Variants in LIPC observed in about 807,000 individuals in gnomAD.
The protein encoded by LIPC is lipase C, hepatic type.
A neutral mutation model predicts 50.7 loss-of-function variants in LIPC; 44 were observed. The ratio of observed to expected loss-of-function variants is 0.87; its 90% CI spans 0.68 to 1.11. The LOEUF is 1.11. Ranked by LOEUF, LIPC falls within the 50% of genes most tolerant of loss-of-function variation. The probability of loss-of-function intolerance (pLI) is 0.00; values close to 1 mark genes in which losing one functional copy is unlikely to be tolerated. For missense variants in LIPC, 697 were observed against 648.2 expected, an observed-to-expected ratio of 1.08 and a Z score of -0.82; for synonymous variants, 271 against 256.4, an observed-to-expected ratio of 1.06 and a Z score of -0.54.
intron 1 of LIPC, among the ~76,000 whole-genome samples, chr15:58,516,100 G>GGATTTTCTGCGCATCT (rs1214472773): frequency 6.6e-6 from 1 of 152,092 alleles, no homozygotes; most frequent in African/African-American, 2.4e-5. Context: ...CAAGGCAATG[G>GGATTTTCTGCGCATCT]GATTTTCTGC....
intron 6 of LIPC, among the ~76,000 whole-genome samples, chr15:58,556,524 T>C (rs578070425): frequency 3.3e-5 from 5 of 152,360 alleles, no homozygotes; most frequent in Admixed American, 3.3e-4. Flanking sequence ...AAATGACCAC[T>C]CTGCCCTCTC....
intron 1 of LIPC, among the ~76,000 whole-genome samples, chr15:58,443,855 G>T (rs535968724): frequency 1.3e-5 from 2 of 148,914 alleles, no homozygotes; most frequent in Non-Finnish European, 3.0e-5. Flanking sequence ...TTGCGGGCAG[G>T]GGGTGGATCT....
rs533972568 is a variant in LIPC at position 58,561,097 on chromosome 15, C to T, written c.1169+116C>T. On this transcript the variant is annotated intron_variant, in intron 7 of 8. Coordinates refer to ENST00000299022, the MANE Select transcript of LIPC (RefSeq NM_000236.3). ...AGCTACAACTACTTTATTCCAGACG[C>T]AAACCAAAAACTATCTGAGACACAT... 34 of 749,066 alleles carry T rather than the reference C, an allele frequency of 4.5e-5. No individual in the cohort carries two copies. In the African/African-American group the frequency reaches 4.9e-4, roughly 11 times the overall value. 46.4% of individuals were successfully genotyped at this position (749,066 alleles called of 1,614,324 possible).
At chr15:58,451,070 C>A (rs1258387481) in intron 1 of LIPC, among the ~76,000 whole-genome samples, 1 of 152,088 alleles carries the variant, frequency 6.6e-6, no homozygotes, top group Non-Finnish European at 1.5e-5. Context: ...GGCAGGCTAC[C>A]CTCCCCATCA....
chr15:58,519,854 G>A (rs1270801283), intron 1 of LIPC, among the ~76,000 whole-genome samples: 1 of 152,072 alleles, frequency 6.6e-6, no homozygotes, highest in Non-Finnish European at 1.5e-5. Flanking sequence ...TCAGATGGGG[G>A]GCAGGTGGGA....
At chr15:58,490,529 C>T (rs1342198862) in intron 1 of LIPC, among the ~76,000 whole-genome samples, 1 of 152,108 alleles carries the variant, frequency 6.6e-6, no homozygotes, top group Non-Finnish European at 1.5e-5. Flanking sequence ...TTCTCACCTC[C>T]GGAGAGAATG....
intron 1 of LIPC, among the ~76,000 whole-genome samples, chr15:58,508,851 CTT>C (rs61059869): frequency 6.8e-6 from 1 of 147,972 alleles, no homozygotes; most frequent in African/African-American, 2.5e-5. Flanking sequence ...ATTCCTGCTA[CTT>C]TTTTTTTTTA....
chr15:58,457,715 G>GGAAA (rs1432510527), intron 1 of LIPC, among the ~76,000 whole-genome samples: 1 of 152,188 alleles, frequency 6.6e-6, no homozygotes, highest in Non-Finnish European at 1.5e-5. Flanking sequence ...AATCCCATTT[G>GGAAA]GTAATCGAAA....
chr15:58,543,363 G>T (rs1893404837), intron 4 of LIPC, among the ~76,000 whole-genome samples: 1 of 151,458 alleles, frequency 6.6e-6, no homozygotes, highest in Non-Finnish European at 1.5e-5. Flanking sequence ...CGGTGTGGAA[G>T]CCCCAGAGTG....
At chr15:58,432,244 C>CTA in intron 1 of LIPC, 124 bp downstream of exon 1, 1 of 760,972 alleles carries the variant, frequency 1.3e-6, no homozygotes, top group Admixed American at 1.9e-5. Context: ...CCAGGTGGTT[C>CTA]TATACACGAC....
In LIPC at chr15:58,442,655, T is replaced by C. The variant is rs189512198; in HGVS notation, c.88+10535T>C. ...TGTCAATGAATCCAGAAAAACACCC[T>C]GTGAGATAGGTATTATCCCCACTTC... On this transcript the variant is annotated intron_variant, in intron 1 of 8. Transcript: ENST00000299022. Among the ~76,000 whole-genome samples the C allele has an allele frequency of 4.6e-3, 698 of 152,368 alleles. 3 individuals are homozygous for C. The highest frequency in any genetic ancestry group is 0.016 in the African/African-American group (676 of 41,584).
intron 4 of LIPC, 53 bp downstream of exon 4, chr15:58,542,704 A>G: frequency 8.4e-7 from 1 of 1,191,088 alleles, no homozygotes; most frequent in Non-Finnish European, 1.3e-6. Context: ...GGGGCATCCA[A>G]CAAGGACCTG....
chr15:58,465,349 C>T (rs952470455), intron 1 of LIPC, among the ~76,000 whole-genome samples: 5 of 152,182 alleles, frequency 3.3e-5, no homozygotes, highest in Admixed American at 1.3e-4. Flanking sequence ...TTACATCTGG[C>T]TTTTAACACA....
Position 58,479,964 on chromosome 15 carries a change from C to T in LIPC, c.88+47844C>T, listed in dbSNP as rs542395218. Among the ~76,000 whole-genome samples the T allele has an allele frequency of 5.3e-5, 8 of 152,322 alleles. No homozygotes were observed. In the East Asian group the frequency reaches 1.5e-3, roughly 29 times the overall value. ...AGAAAACTATGAAAGTGCCTCCAAT[C>T]TAAGTTCCCCAGGCTCCTAAGACAA... On this transcript the variant is annotated intron_variant, in intron 1 of 8. Transcript: ENST00000299022.
intron 6 of LIPC, among the ~76,000 whole-genome samples, chr15:58,556,440 A>G (rs1370799697): frequency 6.6e-6 from 1 of 152,170 alleles, no homozygotes; most frequent in Admixed American, 6.5e-5. Flanking sequence ...TCTTTTTCCA[A>G]TAGGATTCCA....
At chr15:58,449,061 AG>A (rs35478240) in intron 1 of LIPC, among the ~76,000 whole-genome samples, 5,844 of 152,208 alleles carry the variant, frequency 0.038, 166 homozygotes, top group South Asian at 0.13. Flanking sequence ...CACGACGGGC[AG>A]TGGGGGCTCA....
At chr15:58,565,143 C>T (rs183338266) in intron 8 of LIPC, 214 of 1,499,826 alleles carry the variant, frequency 1.4e-4, no homozygotes, top group Admixed American at 2.6e-4. Flanking sequence ...AAAATCCTGG[C>T]AATTACTGAG....
At position 58,566,228 on chromosome 15, in the gene LIPC, C is replaced by G. The variant is rs562480140; in HGVS notation, c.1389-2488C>G. The G allele has an allele frequency of 4.6e-5, 45 of 985,434 alleles. No homozygotes were observed. The East Asian group carries it at 3.3e-3, about 72-fold the overall frequency. 61.0% of individuals were successfully genotyped at this position (985,434 alleles called of 1,614,324 possible). On this transcript the variant is annotated intron_variant, in intron 8 of 8. Transcript: ENST00000299022. The stretch of plus-strand genomic sequence containing the variant: ...GGGAAGTGTAAGAAGAAAGTTCAGA[C>G]CCGTACACTTGGGGCTGTGCTGCAA...
chr15:58,512,904 G>T (rs1031965689), intron 1 of LIPC, among the ~76,000 whole-genome samples: 1 of 151,588 alleles, frequency 6.6e-6, no homozygotes. Context: ...TCCAGACCCC[G>T]GCACAAGACC....
Sources: allele counts gnomAD v4.1 joint callset (sites outside exome capture counted in the v4.1 genomes callset), GRCh38; gene constraint gnomAD v4.1.1; transcripts MANE v1.5; gene names NCBI Gene and HGNC (gene_info 2026-07-23, HGNC 2026-07-21).